Variants in SLC16A13 observed in about 807,000 individuals in gnomAD.
SLC16A13 encodes the protein monocarboxylate transporter 13.
SLC16A13 carries 28 observed loss-of-function variants against 28.1 expected under a neutral mutation model. That is an observed-to-expected ratio of 1.00 (90% CI 0.74 to 1.37). SLC16A13 has a LOEUF of 1.37. Among genes scored for constraint, SLC16A13 ranks in the 40% most tolerant of loss-of-function variants. The pLI is 0.00. For missense variants in SLC16A13, 482 were observed against 531.8 expected (o/e 0.91, Z 0.92); for synonymous variants, 228 against 241.6 (o/e 0.94, Z 0.52).
chr17:7,036,712 C>T lies in SLC16A13; in HGVS notation c.200-15C>T. ...CCCCTGAGATCTTCTCGCAGCGCCCCTTCCACTTCCTCAGGCCCGGTAGGC... is the reference window on the plus strand; with the variant it reads ...CCCCTGAGATCTTCTCGCAGCGCCCTTTCCACTTCCTCAGGCCCGGTAGGC... On this transcript the variant is annotated splice_polypyrimidine_tract_variant and intron_variant, in intron 1 of 3. Transcript: ENST00000308027. 1 of 1,611,162 alleles carries T rather than the reference C, an allele frequency of 6.2e-7. No homozygotes were observed. The highest frequency in any genetic ancestry group is 8.5e-7 in the Non-Finnish European group (1 of 1,179,736).
At position 7,038,170 on chromosome 17, in the gene SLC16A13, C is replaced by G. The variant is rs544097423; in HGVS notation, c.362C>G (p.Thr121Ser). Reference protein sequence around the residue: ...GLLSGSGWALTFAPTLACLSC... With the variant: ...GLLSGSGWALSFAPTLACLSC... ...TTGACAGGCTCTGGCTGGGCTTTGA[C>G]CTTCGCTCCGACCCTGGCCTGCCTG... The change falls in exon 3 of 4, where the codon ACC (threonine) becomes AGC (serine). Residue 121 changes from threonine to serine, a missense_variant. Physicochemically the swap from Thr to Ser is moderately conservative, Grantham distance 58. Coordinates refer to ENST00000308027, the MANE Select transcript of SLC16A13 (RefSeq NM_201566.3). The surrounding 1 kb of genome is among the most constrained non-coding windows in gnomAD (Gnocchi z 5.7). 1.9e-6 allele frequency: 3 copies of G among 1,613,046 alleles called. No homozygotes were observed. The highest frequency in any genetic ancestry group is 2.2e-5 in the East Asian group (1 of 44,892).
At chr17:7,037,273 C>T (rs1910607174) in intron 2 of SLC16A13, among the ~76,000 whole-genome samples, 3 of 126,582 alleles carry the variant, frequency 2.4e-5, no homozygotes, top group South Asian at 5.0e-4. Flanking sequence ...ACCCGGGAGG[C>T]GGAGGTTGCA....
chr17:7,036,730 C>A lies in SLC16A13; in HGVS notation c.203C>A (p.Pro68Gln). Reference sequence around the variant, plus strand: ...AGCGCCCCTTCCACTTCCTCAGGCCCGGTAGGCAGTGCCCTGAGCACGAAG... The same window carrying A: ...AGCGCCCCTTCCACTTCCTCAGGCCAGGTAGGCAGTGCCCTGAGCACGAAG... ...IGIAVQQFGS[P>Q]VGSALSTKFG... Residue 68 changes from proline (P) to glutamine (Q), a missense_variant, in exon 2 of 4, where the codon CCG (proline) becomes CAG (glutamine). Transcript: ENST00000308027. 6.2e-7 allele frequency: 1 copy of A among 1,612,454 alleles called. No homozygotes were observed. Among genetic ancestry groups the A allele is most frequent in the Non-Finnish European group, 8.5e-7 (1 of 1,179,960 alleles).
At position 7,038,965 on chromosome 17, in the gene SLC16A13, G is replaced by A; in HGVS notation, c.1081+76G>A. 6.6e-7 allele frequency: 1 copy of A among 1,510,344 alleles called. No homozygotes were observed. Among genetic ancestry groups the A allele is most frequent in the South Asian group, 1.3e-5 (1 of 76,718 alleles). The allele number at this position is 1,510,344 out of a possible 1,614,324, so 93.6% of individuals were successfully genotyped here. A position where few individuals can be genotyped will look rare whatever the true frequency, so the allele number is the denominator to read the frequency against. On this transcript the variant is annotated intron_variant, in intron 3 of 3. Transcript: ENST00000308027. This position sits in a 1 kb window ranked among gnomAD's most constrained non-coding sequence, Gnocchi z 5.7. ...AGGGGAGGGTACTATTCTCATTACA[G>A]TGTATGTGAATATTGCCCTCTGGTG... is the stretch of plus-strand genomic sequence containing the variant.
rs1910631960 is a variant in SLC16A13 at position 7,038,199 on chromosome 17, T to C, written c.391T>C (p.Cys131Arg). 1 of 1,614,126 alleles carries C rather than the reference T, an allele frequency of 6.2e-7. No homozygotes were observed. The highest frequency in any genetic ancestry group is 8.5e-7 in the Non-Finnish European group (1 of 1,180,028). Residue 131 changes from cysteine (C) to arginine (R), a missense_variant, in exon 3 of 4, where the codon TGT (cysteine) becomes CGT (arginine). Transcript: ENST00000308027. The surrounding 1 kb of genome is among the most constrained non-coding windows in gnomAD (Gnocchi z 5.7). ...CGCTCCGACCCTGGCCTGCCTGTCC[T>C]GTTATTTCTCTCGCCGACGATCCCT... ...TFAPTLACLS[C>R]YFSRRRSLAT... is the part of the protein sequence containing the mutation.
chr17:7,038,025 C>G lies in SLC16A13; in HGVS notation c.344-127C>G. The G allele has an allele frequency of 8.5e-7, 1 of 1,177,538 alleles. No homozygotes were observed. Among genetic ancestry groups the G allele is most frequent in the Non-Finnish European group, 1.2e-6 (1 of 836,480 alleles). 72.9% of individuals were successfully genotyped at this position (1,177,538 alleles called of 1,614,324 possible). On this transcript the variant is annotated intron_variant, in intron 2 of 3. Coordinates refer to ENST00000308027, the MANE Select transcript of SLC16A13 (RefSeq NM_201566.3). The surrounding 1 kb of genome is among the most constrained non-coding windows in gnomAD (Gnocchi z 5.7). ...TTACACAGCTATGAAGTATCCAAGC[C>G]AAGATTGTATCCCAGGTCTGTGGGA...
At chr17:7,037,902 A>C (rs1204596559) in intron 2 of SLC16A13, among the ~76,000 whole-genome samples, 1 of 152,228 alleles carries the variant, frequency 6.6e-6, no homozygotes, top group Non-Finnish European at 1.5e-5. Context: ...GTTACCTTAC[A>C]AACTTTGTCT....
At position 7,038,996 on chromosome 17, in the gene SLC16A13, C is replaced by T. The variant is rs1175194512; in HGVS notation, c.1081+107C>T. 7.1e-7 allele frequency: 1 copy of T among 1,418,128 alleles called. No homozygotes were observed. Among genetic ancestry groups the T allele is most frequent in the African/African-American group, 1.4e-5 (1 of 70,160 alleles). 87.8% of individuals were successfully genotyped at this position (1,418,128 alleles called of 1,614,324 possible). On this transcript the variant is annotated intron_variant, in intron 3 of 3. Transcript: ENST00000308027. The surrounding 1 kb of genome is among the most constrained non-coding windows in gnomAD (Gnocchi z 5.7). Reference sequence around the variant, plus strand: ...GTGAATATTGCCCTCTGGTGTAGTACAGTACACAGCCTGCGTGGCCAACCA... The same window carrying T: ...GTGAATATTGCCCTCTGGTGTAGTATAGTACACAGCCTGCGTGGCCAACCA...
rs909686727 is a variant in SLC16A13 at position 7,039,491 on chromosome 17, C to T, written c.1082-272C>T. 6.6e-6 allele frequency among the ~76,000 whole-genome samples: 1 copy of T among 151,450 alleles called. No individual in the cohort carries two copies. The highest frequency in any genetic ancestry group is 1.5e-5 in the Non-Finnish European group (1 of 67,966). On this transcript the variant is annotated intron_variant, in intron 3 of 3. Coordinates refer to ENST00000308027, the MANE Select transcript of SLC16A13 (RefSeq NM_201566.3). This position sits in a 1 kb window ranked among gnomAD's most constrained non-coding sequence, Gnocchi z 4.3. Reference sequence around the variant, plus strand: ...AAAAAAAAAAGAAAGGCCACAGTTGCCAGAAAGAAAGGCACAAGTATGCCT... The same window carrying T: ...AAAAAAAAAAGAAAGGCCACAGTTGTCAGAAAGAAAGGCACAAGTATGCCT...
In SLC16A13 at chr17:7,038,906, T is replaced by C. The variant is rs752784172; in HGVS notation, c.1081+17T>C. The C allele has an allele frequency of 6.3e-7, 1 of 1,588,020 alleles. No individual in the cohort carries two copies. The highest frequency in any genetic ancestry group is 8.6e-7 in the Non-Finnish European group (1 of 1,167,466). ...CTCTCTCAGGTAAGTGGAATGGGGT[T>C]CCCAGGGGGTGAGGGCTGCCATGTT... On this transcript the variant is annotated intron_variant, in intron 3 of 3. Transcript: ENST00000308027. The surrounding 1 kb of genome is among the most constrained non-coding windows in gnomAD (Gnocchi z 5.7).
chr17:7,036,424 G>C lies in SLC16A13; in HGVS notation c.42G>C (p.Trp14Cys). The C allele has an allele frequency of 6.2e-7, 1 of 1,612,174 alleles. No homozygotes were observed. Among genetic ancestry groups the C allele is most frequent in the Non-Finnish European group, 8.5e-7 (1 of 1,179,982 alleles). Residue 14 changes from tryptophan (W) to cysteine (C), a missense_variant, in exon 1 of 4, where the codon TGG (tryptophan) becomes TGC (cysteine). By Grantham distance (215) the Trp-to-Cys change is radical. Transcript: ENST00000308027. Reference protein sequence around the residue: ...RTEPPDGGWGWVVVLSAFFQS... With the variant: ...RTEPPDGGWGCVVVLSAFFQS... Reference sequence around the variant, plus strand: ...AGCCCCCCGACGGGGGCTGGGGATGGGTGGTGGTGCTCTCAGCGTTCTTCC... The same window carrying C: ...AGCCCCCCGACGGGGGCTGGGGATGCGTGGTGGTGCTCTCAGCGTTCTTCC...
chr17:7,036,561 T>C lies in SLC16A13; in HGVS notation c.179T>C (p.Ile60Thr). 6.2e-7 allele frequency: 1 copy of C among 1,612,292 alleles called. No individual in the cohort carries two copies. The highest frequency in any genetic ancestry group is 1.1e-5 in the South Asian group (1 of 91,010). ...ARVSWIASIGIAVQQFGSPVG... is the reference protein window; with the variant it reads ...ARVSWIASIGTAVQQFGSPVG... ...GTCTCCTGGATCGCCTCCATAGGAA[T>C]CGCGGTGCAGCAGTTTGGGAGTGAG... Residue 60 changes from isoleucine to threonine, a missense_variant, in exon 1 of 4, where the codon ATC becomes ACC. Coordinates refer to ENST00000308027, the MANE Select transcript of SLC16A13 (RefSeq NM_201566.3).
rs57010713 is a variant in SLC16A13 at position 7,037,341 on chromosome 17, CAAAAA to C, written c.343+485_343+489del. 5.7e-4 allele frequency among the ~76,000 whole-genome samples: 24 copies of C among 42,000 alleles called. 2 individuals carry two copies. The East Asian group carries it at 0.014, about 24-fold the overall frequency. The allele number at this position is 42,000 out of a possible 152,430, so 27.6% of individuals were successfully genotyped here. On this transcript the variant is annotated intron_variant, in intron 2 of 3. Transcript: ENST00000308027. ...TGGGCGACAGAGCAAGATTCTGTCT[CAAAAA>C]AAAAAAAAAAAAAGATGAAACCAAG...
rs1878545442 is a variant in SLC16A13, at chr17:7,038,358, G to A, written c.550G>A (p.Ala184Thr). ...GTCTGCCCTCTCCCTCCACCTAGTG[G>A]CCTGTGGTGCTCTCCTCCGCCCACC... ...LVSALSLHLV[A>T]CGALLRPPSL... The change falls in exon 3 of 4, where the codon GCC becomes ACC. Residue 184 changes from alanine (A) to threonine (T), a missense_variant. By Grantham distance (58) the Ala-to-Thr change is moderately conservative. Transcript: ENST00000308027. The surrounding 1 kb of genome is among the most constrained non-coding windows in gnomAD (Gnocchi z 5.7). 19 of 1,614,060 alleles carry A rather than the reference G, an allele frequency of 1.2e-5. No individual in the cohort carries two copies. Among genetic ancestry groups the A allele is most frequent in the Non-Finnish European group, 1.6e-5 (19 of 1,180,000 alleles).
In SLC16A13 at chr17:7,038,238, G is replaced by T; in HGVS notation, c.430G>T (p.Ala144Ser). Residue 144 changes from alanine (A) to serine (S), a missense_variant, in exon 3 of 4, where the codon GCA (alanine) becomes TCA (serine). Physicochemically the swap from Ala to Ser is moderately conservative, Grantham distance 99. Transcript: ENST00000308027. The surrounding 1 kb of genome is among the most constrained non-coding windows in gnomAD (Gnocchi z 5.7). ...SRRRSLATGL[A>S]LTGVGLSSFT... ...CCGACGATCCCTGGCCACCGGGCTG[G>T]CACTGACAGGCGTGGGCCTCTCCTC... The T allele has an allele frequency of 6.2e-7, 1 of 1,614,116 alleles. No homozygotes were observed. The highest frequency in any genetic ancestry group is 8.5e-7 in the Non-Finnish European group (1 of 1,180,032).
Position 7,039,734 on chromosome 17 carries a change from T to A in SLC16A13, c.1082-29T>A, listed in dbSNP as rs1377024271. On this transcript the variant is annotated intron_variant, in intron 3 of 3. Transcript: ENST00000308027. This position sits in a 1 kb window ranked among gnomAD's most constrained non-coding sequence, Gnocchi z 4.3. ...TCAGCCCCAGCAAATAGATCACTCA[T>A]GTGTATTCTTTTTCTCTCTTGGACC... is the stretch of plus-strand genomic sequence containing the variant. 1.2e-6 allele frequency: 2 copies of A among 1,612,052 alleles called. No homozygotes were observed. Among genetic ancestry groups the A allele is most frequent in the Admixed American group, 3.3e-5 (2 of 59,972 alleles).
intron 2 of SLC16A13, among the ~76,000 whole-genome samples, chr17:7,037,570 C>G (rs1910616867): frequency 6.6e-6 from 1 of 151,514 alleles, no homozygotes; most frequent in Non-Finnish European, 1.5e-5. Context: ...ACTAAAAACA[C>G]AAAAAATTAG....
intron 2 of SLC16A13, among the ~76,000 whole-genome samples, chr17:7,037,674 C>T (rs1199475792): frequency 2.6e-5 from 4 of 151,254 alleles, no homozygotes; most frequent in South Asian, 2.1e-4. Context: ...TGCAGTGAGC[C>T]GAGATTGCAC....
In SLC16A13 at chr17:7,037,638, A is replaced by G. The variant is rs1910618028; in HGVS notation, c.344-514A>G. 1.3e-5 allele frequency among the ~76,000 whole-genome samples: 2 copies of G among 151,908 alleles called. 1 individual carries two copies. The highest frequency in any genetic ancestry group is 4.8e-5 in the African/African-American group (2 of 41,348). On this transcript the variant is annotated intron_variant, in intron 2 of 3. Coordinates refer to ENST00000308027, the MANE Select transcript of SLC16A13 (RefSeq NM_201566.3). ...CTACTCGGGAGGCTGAGGCAGGAGA[A>G]TGGTGTGAACCCGGGAAGCAGAGCT...
Sources: allele counts gnomAD v4.1 joint callset (sites outside exome capture counted in the v4.1 genomes callset), GRCh38; gene constraint gnomAD v4.1.1; non-coding constraint Gnocchi (gnomAD v3.1); transcripts MANE v1.5; gene names NCBI Gene and HGNC (gene_info 2026-07-23, HGNC 2026-07-21).